The following FAM131B variants were observed in gnomAD, a reference collection of about 807,000 sequenced individuals.
FAM131B encodes the protein protein FAM131B.
In FAM131B, 19 loss-of-function variants were observed where a neutral mutation model predicts 42.0. The ratio of observed to expected loss-of-function variants is 0.45; its 90% CI spans 0.32 to 0.66. The LOEUF is 0.66. Ranked by LOEUF, FAM131B falls within the 30% of genes least tolerant of loss-of-function variation. FAM131B has a pLI of 0.05. For missense variants in FAM131B, 370 were observed against 468.4 expected (o/e 0.79, Z 1.94); for synonymous variants, 183 against 177.6 (o/e 1.03, Z -0.24).
rs1803710131 is a variant in FAM131B at position 143,357,281 on chromosome 7, C to T, written c.609G>A (p.Gln203=). ...SDNYQELMDS[Q]DALAQAPMDG... is the part of the protein sequence containing the mutation. Reference sequence around the variant, plus strand: ...TTTGGATTCTGGAACATCTCTCACCCTGACTGTCCATCAGTTCCTGGTAGT... The same window carrying T: ...TTTGGATTCTGGAACATCTCTCACCTTGACTGTCCATCAGTTCCTGGTAGT... The change falls in exon 6 of 7, where the codon CAG becomes CAA. Residue 203 remains glutamine (Q), a splice_region_variant and synonymous_variant. Coordinates refer to ENST00000443739, the MANE Select transcript of FAM131B (RefSeq NM_001031690.3). The T allele has an allele frequency of 1.2e-6, 2 of 1,614,016 alleles. No homozygotes were observed. Among genetic ancestry groups the T allele is most frequent in the Non-Finnish European group, 1.7e-6 (2 of 1,179,952 alleles).
At chr7:143,361,307 G>T (rs1222745316) in intron 1 of FAM131B, 2 of 141,550 alleles carry the variant, frequency 1.4e-5, no homozygotes, top group Admixed American at 7.1e-5. Flanking sequence ...GACACAGCAG[G>T]AATGGGGCAG....
At chr7:143,380,531 G>T in the FAM131B span, 2 of 985,370 alleles carry the variant, frequency 2.0e-6, no homozygotes, top group African/African-American at 1.7e-5. This position sits in a 1 kb window ranked among gnomAD's most constrained non-coding sequence, Gnocchi z 5.0. Context: ...TCTCCAGTCC[G>T]CAGGCGGCCG....
Position 143,353,896 on chromosome 7 carries a change from A to G in FAM131B, c.*2654T>C. On this transcript the variant is annotated 3_prime_UTR_variant, in exon 7 of 7. Coordinates refer to ENST00000443739, the MANE Select transcript of FAM131B (RefSeq NM_001031690.3). The stretch of plus-strand genomic sequence containing the variant: ...CCCCTCCAAAAAAAGAAAATCATTT[A>G]GCAAGAGCAGTTTCATTCACAAGAA... The G allele has an allele frequency of 6.6e-6, 1 of 150,836 alleles. No individual in the cohort carries two copies. The allele number at this position is 150,836 out of a possible 1,614,324, so 9.3% of individuals were successfully genotyped here. A position where few individuals can be genotyped will look rare whatever the true frequency, so the allele number is the denominator to read the frequency against.
chr7:143,380,768 C>T, the FAM131B span: 7 of 985,278 alleles, frequency 7.1e-6, no homozygotes, highest in African/African-American at 1.0e-4. The surrounding 1 kb of genome is among the most constrained non-coding windows in gnomAD (Gnocchi z 5.0). Context: ...GAACGCCCCG[C>T]TCCTCACCCC....
chr7:143,359,188 G>A lies in FAM131B; in HGVS notation c.268+138C>T, dbSNP rs1803831017. On this transcript the variant is annotated intron_variant, in intron 4 of 6. Coordinates refer to ENST00000443739, the MANE Select transcript of FAM131B (RefSeq NM_001031690.3). This position sits in a 1 kb window ranked among gnomAD's most constrained non-coding sequence, Gnocchi z 5.4. The stretch of plus-strand genomic sequence containing the variant: ...TAGTGGAGGGAATGGCCTGGAGGAT[G>A]GGAGGCTTGACAGAAGGGTGAATAG... The A allele has an allele frequency of 9.9e-7, 1 of 1,014,332 alleles. No individual in the cohort carries two copies. Among genetic ancestry groups the A allele is most frequent in the Non-Finnish European group, 1.5e-6 (1 of 674,268 alleles). 62.8% of individuals were successfully genotyped at this position (1,014,332 alleles called of 1,614,324 possible).
the FAM131B span, among the ~76,000 whole-genome samples, chr7:143,373,655 G>T: frequency 6.6e-6 from 1 of 152,166 alleles, no homozygotes; most frequent in African/African-American, 2.4e-5. Context: ...AAAGAGGAAT[G>T]CTTGCTGAAA....
the FAM131B span, among the ~76,000 whole-genome samples, chr7:143,372,112 G>A: frequency 6.6e-6 from 1 of 152,200 alleles, no homozygotes; most frequent in Non-Finnish European, 1.5e-5. Context: ...GGAAAAACGA[G>A]ACTGGTATGT....
the FAM131B span, among the ~76,000 whole-genome samples, chr7:143,373,928 G>A: frequency 6.6e-6 from 1 of 152,164 alleles, no homozygotes; most frequent in African/African-American, 2.4e-5. Flanking sequence ...GAGACACAGA[G>A]GCCTGGGGAA....
At chr7:143,381,554 C>T in the FAM131B span, 12 of 1,605,988 alleles carry the variant, frequency 7.5e-6, no homozygotes, top group African/African-American at 1.5e-4. Flanking sequence ...CGACCCACCC[C>T]AGCAGCCCGG....
At chr7:143,380,060 G>C in the FAM131B span, 4 of 985,106 alleles carry the variant, frequency 4.1e-6, no homozygotes, top group Non-Finnish European at 4.8e-6. This position sits in a 1 kb window ranked among gnomAD's most constrained non-coding sequence, Gnocchi z 5.0. Context: ...GATTTGGAGG[G>C]ACTGGACACT....
chr7:143,359,485 G>A lies in FAM131B; in HGVS notation c.175-66C>T, dbSNP rs1803848029. 8.0e-7 allele frequency: 1 copy of A among 1,250,864 alleles called. No individual in the cohort carries two copies. The highest frequency in any genetic ancestry group is 1.2e-6 in the Non-Finnish European group (1 of 860,022). 77.5% of individuals were successfully genotyped at this position (1,250,864 alleles called of 1,614,324 possible). On this transcript the variant is annotated intron_variant, in intron 3 of 6. Transcript: ENST00000443739. The surrounding 1 kb of genome is among the most constrained non-coding windows in gnomAD (Gnocchi z 5.4). ...GGTACGGGCGTGCTTTATACATGGA[G>A]GAGGTTCATGGTTTCCAGGAAAAAG... is the stretch of plus-strand genomic sequence containing the variant.
chr7:143,359,695 C>G lies in FAM131B; in HGVS notation c.174+37G>C, dbSNP rs200470899. 1 of 1,552,646 alleles carries G rather than the reference C, an allele frequency of 6.4e-7. No homozygotes were observed. Among genetic ancestry groups the G allele is most frequent in the Admixed American group, 1.9e-5 (1 of 52,176 alleles). On this transcript the variant is annotated intron_variant, in intron 3 of 6. Transcript: ENST00000443739. The surrounding 1 kb of genome is among the most constrained non-coding windows in gnomAD (Gnocchi z 5.4). ...AGGGAGAAGATGAGGAGGAGGAGTT[C>G]GGGAGGATGGGGAGGTCTGGGGGCA...
chr7:143,359,899 G>C lies in FAM131B; in HGVS notation c.139-132C>G, dbSNP rs757532524. On this transcript the variant is annotated intron_variant, in intron 2 of 6. Coordinates refer to ENST00000443739, the MANE Select transcript of FAM131B (RefSeq NM_001031690.3). The surrounding 1 kb of genome is among the most constrained non-coding windows in gnomAD (Gnocchi z 5.4). ...TTCCTGAGGTTGATGCCGCTAACTGGGTTCTCCATGTGGACTGCTTGGCAT... is the reference window on the plus strand; with the variant it reads ...TTCCTGAGGTTGATGCCGCTAACTGCGTTCTCCATGTGGACTGCTTGGCAT... 5 of 1,011,746 alleles carry C rather than the reference G, an allele frequency of 4.9e-6. No individual in the cohort carries two copies. Among genetic ancestry groups the C allele is most frequent in the Non-Finnish European group, 7.6e-6 (5 of 659,904 alleles). The allele number at this position is 1,011,746 out of a possible 1,614,324, so 62.7% of individuals were successfully genotyped here. A position where few individuals can be genotyped will look rare whatever the true frequency, so the allele number is the denominator to read the frequency against.
the FAM131B span, chr7:143,379,614 G>A: frequency 6.6e-6 from 1 of 152,176 alleles, no homozygotes; most frequent in Non-Finnish European, 1.5e-5. Flanking sequence ...GGGGGAAAAC[G>A]CCTTAGTGTA....
At chr7:143,372,343 G>T in the FAM131B span, among the ~76,000 whole-genome samples, 4 of 152,260 alleles carry the variant, frequency 2.6e-5, no homozygotes, top group Non-Finnish European at 5.9e-5. Flanking sequence ...ATGTAAGGGA[G>T]TGACTGTAAT....
chr7:143,381,944 GC>G, the FAM131B span: 1 of 757,822 alleles, frequency 1.3e-6, no homozygotes, highest in Non-Finnish European at 2.0e-6. Context: ...GTGGCTGGGA[GC>G]CAGGGCTCCT....
the FAM131B span, among the ~76,000 whole-genome samples, chr7:143,377,591 G>A: frequency 6.6e-6 from 1 of 152,084 alleles, no homozygotes; most frequent in Admixed American, 6.6e-5. Context: ...TTTAGGAGGT[G>A]AGAAATCCAA....
At chr7:143,381,810 G>T in the FAM131B span, 1 of 1,502,326 alleles carries the variant, frequency 6.7e-7, no homozygotes. Context: ...AATGTACCCC[G>T]GCAGGAGCCG....
chr7:143,372,344 T>C, the FAM131B span, among the ~76,000 whole-genome samples: 6 of 151,946 alleles, frequency 3.9e-5, no homozygotes, highest in African/African-American at 1.2e-4. Flanking sequence ...TGTAAGGGAG[T>C]GACTGTAATG....
Sources: allele counts gnomAD v4.1 joint callset (sites outside exome capture counted in the v4.1 genomes callset), GRCh38; gene constraint gnomAD v4.1.1; non-coding constraint Gnocchi (gnomAD v3.1); transcripts MANE v1.5; gene names NCBI Gene and HGNC (gene_info 2026-07-23, HGNC 2026-07-21).